MCM2: variants seen among roughly 807,000 people sequenced by gnomAD.
The protein encoded by MCM2 is minichromosome maintenance complex component 2, also known as DNA replication licensing factor MCM2.
In MCM2, 49 loss-of-function variants were observed where a neutral mutation model predicts 86.4. The observed-to-expected ratio is 0.57, with a 90% confidence interval of 0.45 to 0.72. The LOEUF (loss-of-function observed/expected upper bound fraction) is 0.72, where lower values mean the gene tolerates loss of function less well. MCM2 is among the 30% of genes least tolerant of loss of function. MCM2 has a pLI of 0.00. For missense variants in MCM2, 1,038 were observed against 1,259.9 expected, an observed-to-expected ratio of 0.82 and a Z score of 2.67; for synonymous variants, 475 against 484.6, an observed-to-expected ratio of 0.98 and a Z score of 0.26.
chr3:127,610,747 T>C (rs759858131), intron 8 of MCM2: 19 of 455,696 alleles, frequency 4.2e-5, no homozygotes, highest in South Asian at 1.7e-4. Flanking sequence ...CATCCAGCAT[T>C]TGTGGGCTTA....
In MCM2 at chr3:127,617,256, G is replaced by C; in HGVS notation, c.1774-23G>C. On this transcript the variant is annotated intron_variant, in intron 10 of 15. Coordinates refer to ENST00000265056, the MANE Select transcript of MCM2 (RefSeq NM_004526.4). This position sits in a 1 kb window ranked among gnomAD's most constrained non-coding sequence, Gnocchi z 4.1. ...TAGTAGGGGCGTGAACCATGCTAAG[G>C]GTGGGCCATTTTAATCTTGCAGATG... is the stretch of plus-strand genomic sequence containing the variant. The C allele has an allele frequency of 6.2e-7, 1 of 1,613,976 alleles. No individual in the cohort carries two copies. The highest frequency in any genetic ancestry group is 1.1e-5 in the South Asian group (1 of 91,062).
rs771305186 is a variant in MCM2 at position 127,617,987 on chromosome 3, C to T, written c.1919C>T (p.Ser640Leu). 5.0e-6 allele frequency: 8 copies of T among 1,613,918 alleles called. No individual in the cohort carries two copies. The highest frequency in any genetic ancestry group is 1.7e-5 in the Admixed American group (1 of 60,008). The stretch of plus-strand genomic sequence containing the variant: ...GTTTCAGGAGGGCGCTACGACCCCT[C>T]GCTGACTTTCTCTGAGAACGTGGAC... ...ANPIGGRYDPSLTFSENVDLT... is the reference protein window; with the variant it reads ...ANPIGGRYDPLLTFSENVDLT... The change falls in exon 12 of 16, where the codon TCG becomes TTG. Residue 640 changes from serine to leucine, a missense_variant. Ser to Leu is a moderately radical substitution (Grantham distance 145). Coordinates refer to ENST00000265056, the MANE Select transcript of MCM2 (RefSeq NM_004526.4). This position sits in a 1 kb window ranked among gnomAD's most constrained non-coding sequence, Gnocchi z 4.1.
rs2074452947 is a variant in MCM2, at chr3:127,618,851, G to A, written c.2014-176G>A. On this transcript the variant is annotated intron_variant, in intron 12 of 15. Coordinates refer to ENST00000265056, the MANE Select transcript of MCM2 (RefSeq NM_004526.4). The surrounding 1 kb of genome is among the most constrained non-coding windows in gnomAD (Gnocchi z 4.0). ...TGGAGATGAGCCCTGTGGGGACTCT[G>A]TCCCATTGTCTGGTTTGCCACCCAC... Among the ~76,000 whole-genome samples, 1 of 152,202 alleles carries A rather than the reference G, an allele frequency of 6.6e-6. No individual in the cohort carries two copies. The highest frequency in any genetic ancestry group is 2.4e-5 in the African/African-American group (1 of 41,450).
In MCM2 at chr3:127,606,712, C is replaced by A; in HGVS notation, c.996C>A (p.Cys332Ter). The A allele has an allele frequency of 6.2e-7, 1 of 1,614,230 alleles. No homozygotes were observed. Among genetic ancestry groups the A allele is most frequent in the Non-Finnish European group, 8.5e-7 (1 of 1,180,040 alleles). The change falls in exon 6 of 16, where the codon TGC becomes TGA. Residue 332 changes from cysteine (C) to a stop codon, truncating the protein, a stop_gained. Transcript: ENST00000265056. LOFTEE classifies it high-confidence loss of function. The surrounding 1 kb of genome is among the most constrained non-coding windows in gnomAD (Gnocchi z 4.2). The part of the protein sequence containing the change: ...LSMVKYNCNK[C>*]NFVLGPFCQS... ...TGGTCAAGTACAACTGCAACAAGTG[C>A]AATTTCGTCCTGGGTCCTTTCTGCC...
rs201882833 is a variant in MCM2 at position 127,621,101 on chromosome 3, G to A, written c.2477G>A (p.Arg826His). The A allele has an allele frequency of 6.4e-5, 103 of 1,614,232 alleles. No homozygotes were observed. The highest frequency in any genetic ancestry group is 8.1e-5 in the Non-Finnish European group (95 of 1,180,044). The change falls in exon 15 of 16, where the codon CGT becomes CAT. Residue 826 changes from arginine (R) to histidine (H), a missense_variant. By Grantham distance (29) the Arg-to-His change is conservative. Transcript: ENST00000265056. ...KTFARYLSFR[R>H]DNNELLLFIL... ...TTTGCCCGCTACCTTTCATTCCGGC[G>A]TGACAACAATGAGCTGTTGCTCTTC...
intron 8 of MCM2, among the ~76,000 whole-genome samples, chr3:127,610,538 A>T (rs1036366654): frequency 6.6e-6 from 1 of 151,874 alleles, no homozygotes; most frequent in Non-Finnish European, 1.5e-5. Flanking sequence ...CACGCATCAC[A>T]TTTACCCATG....
Position 127,617,651 on chromosome 3 carries a change from A to G in MCM2, c.1900+246A>G, listed in dbSNP as rs1313293262. 4.9e-6 allele frequency: 3 copies of G among 606,526 alleles called. No homozygotes were observed. Among genetic ancestry groups the G allele is most frequent in the South Asian group, 4.0e-5 (2 of 49,802 alleles). The allele number at this position is 606,526 out of a possible 1,614,324, so 37.6% of individuals were successfully genotyped here. ...ATGTTCTCAGAAGGCATGGGAGGAG[A>G]GCCCAGTGCCCCTCTGGCCAGGATG... On this transcript the variant is annotated intron_variant, in intron 11 of 15. Coordinates refer to ENST00000265056, the MANE Select transcript of MCM2 (RefSeq NM_004526.4). The surrounding 1 kb of genome is among the most constrained non-coding windows in gnomAD (Gnocchi z 4.1).
At chr3:127,615,170 G>A (rs918792594) in intron 8 of MCM2, among the ~76,000 whole-genome samples, 1 of 152,212 alleles carries the variant, frequency 6.6e-6, no homozygotes, top group African/African-American at 2.4e-5. Flanking sequence ...AAGGATGTGG[G>A]TGTGGCCAGT....
Position 127,615,970 on chromosome 3 carries a change from T to G in MCM2, c.1522+15T>G. ...CAAAAACCCAGGTGAGCACCCACCT[T>G]TCCTCTGCAGGGGTGTTAGCAGCTT... On this transcript the variant is annotated intron_variant, in intron 9 of 15. Transcript: ENST00000265056. 6.2e-7 allele frequency: 1 copy of G among 1,602,038 alleles called. No individual in the cohort carries two copies. The highest frequency in any genetic ancestry group is 1.3e-5 in the African/African-American group (1 of 74,754).
intron 9 of MCM2, among the ~76,000 whole-genome samples, chr3:127,616,419 A>G (rs2074432391): frequency 6.6e-6 from 1 of 152,044 alleles, no homozygotes; most frequent in Non-Finnish European, 1.5e-5. Flanking sequence ...TCATGACTAC[A>G]CGTGTTTATT....
chr3:127,619,869 G>A (rs928225254), intron 13 of MCM2, among the ~76,000 whole-genome samples: 1 of 151,942 alleles, frequency 6.6e-6, no homozygotes. Context: ...TGTAGTCCCA[G>A]CTACTCAGGA....
chr3:127,598,993 G>A (rs1353089903), intron 1 of MCM2: 1 of 447,014 alleles, frequency 2.2e-6, no homozygotes, highest in Non-Finnish European at 4.0e-6. Context: ...TGCTTAAGGG[G>A]AGATAATAGA....
At chr3:127,619,603 C>T (rs1299830865) in intron 13 of MCM2, among the ~76,000 whole-genome samples, 2 of 152,118 alleles carry the variant, frequency 1.3e-5, no homozygotes, top group Admixed American at 6.6e-5. Flanking sequence ...CGCTTGAACC[C>T]GGGAGGCGGA....
At position 127,606,353 on chromosome 3, in the gene MCM2, G is replaced by C. The variant is rs774849064; in HGVS notation, c.893+16G>C. Reference sequence around the variant, plus strand: ...GCTCGCTGAGGTGAGCTGAGGGCAGGTGAGGATGGCAGGTCCGAGCTCAGT... The same window carrying C: ...GCTCGCTGAGGTGAGCTGAGGGCAGCTGAGGATGGCAGGTCCGAGCTCAGT... On this transcript the variant is annotated intron_variant, in intron 5 of 15. Coordinates refer to ENST00000265056, the MANE Select transcript of MCM2 (RefSeq NM_004526.4). This position sits in a 1 kb window ranked among gnomAD's most constrained non-coding sequence, Gnocchi z 4.2. The C allele has an allele frequency of 1.9e-6, 3 of 1,613,330 alleles. No homozygotes were observed. The highest frequency in any genetic ancestry group is 2.2e-5 in the East Asian group (1 of 44,878).
rs59607211 is a variant in MCM2, at chr3:127,611,682, CTTTTTTTTTTTTT to C, written c.1428+2681_1428+2693del. Among the ~76,000 whole-genome samples the C allele has an allele frequency of 2.8e-4, 15 of 54,282 alleles. No individual in the cohort carries two copies. In the East Asian group the frequency reaches 4.6e-3, roughly 17 times the overall value. 35.6% of individuals were successfully genotyped at this position (54,282 alleles called of 152,430 possible). Reference sequence around the variant, plus strand: ...AAGCCCTGCAGGCTTCTGCAGCTGACTTTTTTTTTTTTTTTTTTTTTTTTTTTTTTTTTTGAGA... The same window carrying C: ...AAGCCCTGCAGGCTTCTGCAGCTGACTTTTTTTTTTTTTTTTTTTTTGAGA... On this transcript the variant is annotated intron_variant, in intron 8 of 15. Coordinates refer to ENST00000265056, the MANE Select transcript of MCM2 (RefSeq NM_004526.4).
rs2074452682 is a variant in MCM2 at position 127,618,833 on chromosome 3, G to A, written c.2014-194G>A. 6.6e-6 allele frequency among the ~76,000 whole-genome samples: 1 copy of A among 152,172 alleles called. No homozygotes were observed. Among genetic ancestry groups the A allele is most frequent in the African/African-American group, 2.4e-5 (1 of 41,438 alleles). On this transcript the variant is annotated intron_variant, in intron 12 of 15. Coordinates refer to ENST00000265056, the MANE Select transcript of MCM2 (RefSeq NM_004526.4). The surrounding 1 kb of genome is among the most constrained non-coding windows in gnomAD (Gnocchi z 4.0). ...TTGTCTCCTGTCCCCTTGTGGAGAT[G>A]AGCCCTGTGGGGACTCTGTCCCATT...
intron 4 of MCM2, among the ~76,000 whole-genome samples, chr3:127,605,749 C>G (rs1230099110): frequency 6.6e-6 from 1 of 152,144 alleles, no homozygotes; most frequent in Admixed American, 6.6e-5. Context: ...CAGGAATTGA[C>G]TTTTAAAAGG....
Position 127,606,666 on chromosome 3 carries a change from G to A in MCM2, c.950G>A (p.Gly317Asp), listed in dbSNP as rs1242593651. The A allele has an allele frequency of 6.2e-7, 1 of 1,614,208 alleles. No individual in the cohort carries two copies. The highest frequency in any genetic ancestry group is 1.7e-5 in the Admixed American group (1 of 60,028). Residue 317 changes from glycine to aspartate, a missense_variant, in exon 6 of 16, where the codon GGC becomes GAC. Physicochemically the swap from Gly to Asp is moderately conservative, Grantham distance 94 (BLOSUM62 -1). This residue lies in a region of MCM2 where 399 missense variants were observed against 507.2 expected (regional missense o/e 0.79). Transcript: ENST00000265056. This position sits in a 1 kb window ranked among gnomAD's most constrained non-coding sequence, Gnocchi z 4.2. ...RTSGVVTSCT[G>D]VLPQLSMVKY... ...AGTGGGGTGGTGACCAGCTGCACTG[G>A]CGTCCTGCCCCAGCTCAGCATGGTC...
intron 8 of MCM2, among the ~76,000 whole-genome samples, chr3:127,611,692 T>C (rs2074397575): frequency 9.1e-6 from 1 of 109,376 alleles, no homozygotes; most frequent in African/African-American, 4.1e-5. Flanking sequence ...CTTTTTTTTT[T>C]TTTTTTTTTT....
Sources: gnomAD v4.1 joint callset for allele counts (sites outside exome capture counted in the v4.1 genomes callset) on GRCh38, gnomAD v4.1.1 for gene constraint, gnomAD v4.1.1 regional missense constraint, Gnocchi (gnomAD v3.1) non-coding constraint, MANE v1.5 for transcripts, NCBI Gene and HGNC (gene_info 2026-07-23, HGNC 2026-07-21) for gene names.